The following STAB2 variants were observed in gnomAD, a reference collection of about 807,000 sequenced individuals.
STAB2 encodes the protein stabilin-2.
STAB2 carries 288 observed loss-of-function variants against 338.1 expected under a neutral mutation model. That is an observed-to-expected ratio of 0.85 (90% CI 0.77 to 0.94). STAB2 has a LOEUF of 0.94. Among genes scored for constraint, STAB2 ranks in the 40% least tolerant of loss-of-function variants. STAB2 has a pLI of 0.00. For missense variants in STAB2, 3,141 were observed against 3,210.1 expected (o/e 0.98, Z 0.52); for synonymous variants, 1,202 against 1,193.3 (o/e 1.01, Z -0.15).
At chr12:103,614,445 A>C (rs1957178236) in intron 3 of STAB2, among the ~76,000 whole-genome samples, 1 of 152,244 alleles carries the variant, frequency 6.6e-6, no homozygotes, top group African/African-American at 2.4e-5. Flanking sequence ...ACTGGAGGCT[A>C]TACCTTTTTA....
At chr12:103,670,450 C>T in intron 21 of STAB2, among the ~76,000 whole-genome samples, 1 of 152,158 alleles carries the variant, frequency 6.6e-6, no homozygotes, top group South Asian at 2.1e-4. Context: ...TGAAAGGTTC[C>T]CAGTTCAGCA....
chr12:103,755,456 A>G lies in STAB2; in HGVS notation c.6869A>G (p.Tyr2290Cys), dbSNP rs1884027267. Residue 2290 changes from tyrosine (Y) to cysteine (C), a missense_variant, in exon 62 of 69, where the codon TAT (tyrosine) becomes TGT (cysteine). Transcript: ENST00000388887. ...AGTGAAATGTGGGATGTCTTCTGCT[A>G]TCGGATGAAAGGTAACCGCCCCAGC... ...NKSEMWDVFC[Y>C]RMKDVNCTCK... is the part of the protein sequence containing the mutation. 4 of 1,613,864 alleles carry G rather than the reference A, an allele frequency of 2.5e-6. No homozygotes were observed. The highest frequency in any genetic ancestry group is 4.5e-5 in the East Asian group (2 of 44,872).
chr12:103,596,642 A>C (rs1956879336), intron 3 of STAB2, among the ~76,000 whole-genome samples: 1 of 152,222 alleles, frequency 6.6e-6, no homozygotes, highest in Non-Finnish European at 1.5e-5. Flanking sequence ...ATAATGAAAG[A>C]TGAATAAAAT....
intron 44 of STAB2, among the ~76,000 whole-genome samples, chr12:103,722,500 A>G (rs1388656056): frequency 6.6e-6 from 1 of 152,252 alleles, no homozygotes; most frequent in Non-Finnish European, 1.5e-5. Flanking sequence ...TAAGGAAAGT[A>G]GAAACATAGA....
At chr12:103,680,940 G>C (rs1332861131) in intron 25 of STAB2, among the ~76,000 whole-genome samples, 2 of 152,258 alleles carry the variant, frequency 1.3e-5, no homozygotes, top group Non-Finnish European at 2.9e-5. Context: ...TCAGTGGTGA[G>C]GATAAGAGAT....
At chr12:103,640,826 A>T (rs907476363) in intron 9 of STAB2, among the ~76,000 whole-genome samples, 2 of 152,162 alleles carry the variant, frequency 1.3e-5, no homozygotes, top group African/African-American at 4.8e-5. Context: ...GATACCTACC[A>T]GATGCATGAC....
intron 6 of STAB2, among the ~76,000 whole-genome samples, chr12:103,636,461 TA>T (rs969380141): frequency 6.6e-6 from 1 of 151,280 alleles, no homozygotes; most frequent in East Asian, 2.0e-4. Flanking sequence ...GCCCATTTTT[TA>T]AAAAAAATAG....
chr12:103,749,208 C>T (rs1883360174), intron 59 of STAB2, 52 bp downstream of exon 59: 12 of 1,525,228 alleles, frequency 7.9e-6, no homozygotes, highest in Non-Finnish European at 1.1e-5. Context: ...GGGCTTCGCT[C>T]CTCCTTGCCT....
At position 103,695,652 on chromosome 12, in the gene STAB2, A is replaced by G; in HGVS notation, c.3474+4A>G. 3 of 1,614,208 alleles carry G rather than the reference A, an allele frequency of 1.9e-6. No homozygotes were observed. The highest frequency in any genetic ancestry group is 2.5e-6 in the Non-Finnish European group (3 of 1,180,030). ...CATCTTCCGGGGCTACATCATTGCA[A>G]GTACCACATTCTCTGCCTGACCACC... On this transcript the variant is annotated splice_donor_region_variant and intron_variant, in intron 32 of 68. Transcript: ENST00000388887.
chr12:103,732,003 G>A (rs915372194), intron 50 of STAB2, among the ~76,000 whole-genome samples: 2 of 152,200 alleles, frequency 1.3e-5, no homozygotes, highest in African/African-American at 4.8e-5. Context: ...TGTGAGGCAG[G>A]TAGAAATTAA....
chr12:103,684,692 C>T (rs1026021676), intron 26 of STAB2, among the ~76,000 whole-genome samples: 2 of 152,200 alleles, frequency 1.3e-5, no homozygotes, highest in African/African-American at 4.8e-5. Context: ...ATTGCATGGG[C>T]AAACGTATAC....
rs1873514535 is a variant in STAB2 at position 103,648,714 on chromosome 12, G to T, written c.1065G>T (p.Val355=). The change falls in exon 10 of 69, where the codon GTG becomes GTT. Residue 355 remains valine, a synonymous_variant. Transcript: ENST00000388887. ...GATGCATTTGCCAGAAAGGTTACGT[G>T]GGTGATGGCTTAACGTGTTATGGAA... ...RTECICQKGY[V]GDGLTCYGNI... is the part of the protein sequence containing the mutation. 1 of 1,613,920 alleles carries T rather than the reference G, an allele frequency of 6.2e-7. No individual in the cohort carries two copies. Among genetic ancestry groups the T allele is most frequent in the Non-Finnish European group, 8.5e-7 (1 of 1,179,984 alleles).
rs1566070936 is a variant in STAB2, at chr12:103,746,695, A to G, written c.6235A>G (p.Thr2079Ala). The change falls in exon 58 of 69, where the codon ACA becomes GCA. Residue 2079 changes from threonine to alanine, a missense_variant. By Grantham distance (58) the Thr-to-Ala change is moderately conservative. Transcript: ENST00000388887. ...CCTGGATTATGAAGGTGACGGAATC[A>G]CATGCACAGGTAAGCCACCTTTGTG... ...CNLDYEGDGI[T>A]CTVVDFCKQD... 2 of 1,613,856 alleles carry G rather than the reference A, an allele frequency of 1.2e-6. No individual in the cohort carries two copies. The highest frequency in any genetic ancestry group is 3.3e-5 in the Admixed American group (2 of 60,022).
chr12:103,706,178 C>G (rs1363242505), intron 37 of STAB2, among the ~76,000 whole-genome samples: 7 of 152,174 alleles, frequency 4.6e-5, no homozygotes, highest in Non-Finnish European at 7.3e-5. Context: ...GCTCCTTTCC[C>G]AGATGACTAG....
In STAB2 at chr12:103,695,898, C is replaced by T. The variant is rs1017702658; in HGVS notation, c.3582+54C>T. ...GTTATTTTGTGAAAATTCAAACACT[C>T]AGTGTTTGTAATCCATTAGTTGTGT... On this transcript the variant is annotated intron_variant, in intron 33 of 68. Coordinates refer to ENST00000388887, the MANE Select transcript of STAB2 (RefSeq NM_017564.10). 3.8e-5 allele frequency: 57 copies of T among 1,508,758 alleles called. No homozygotes were observed. The African/African-American group carries it at 5.2e-4, about 14-fold the overall frequency. The allele number at this position is 1,508,758 out of a possible 1,614,324, so 93.5% of individuals were successfully genotyped here.
At chr12:103,760,488 T>C (rs982843534) in intron 65 of STAB2, among the ~76,000 whole-genome samples, 1 of 152,202 alleles carries the variant, frequency 6.6e-6, no homozygotes, top group South Asian at 2.1e-4. Context: ...CTTGAACTCC[T>C]GGCTTCAAGT....
intron 43 of STAB2, among the ~76,000 whole-genome samples, 180 bp downstream of exon 43, chr12:103,716,068 G>A (rs201113152): frequency 6.6e-6 from 1 of 152,010 alleles, no homozygotes; most frequent in African/African-American, 2.4e-5. Context: ...AGGTGAAATG[G>A]GGGAAAACCA....
chr12:103,695,643 A>C lies in STAB2; in HGVS notation c.3469A>C (p.Ile1157Leu). Residue 1157 changes from isoleucine to leucine, a missense_variant, in exon 32 of 69, where the codon ATC (isoleucine) becomes CTC (leucine). Ile to Leu is a conservative substitution (Grantham distance 5). Transcript: ENST00000388887. ...TGACTATTCCATCTTCCGGGGCTAC[A>C]TCATTGCAAGTACCACATTCTCTGC... The part of the protein sequence containing the change: ...MPDYSIFRGY[I>L]IQYNLANAIE... The C allele has an allele frequency of 1.2e-6, 2 of 1,614,184 alleles. No homozygotes were observed. The highest frequency in any genetic ancestry group is 1.7e-6 in the Non-Finnish European group (2 of 1,180,018).
At chr12:103,685,460 G>GTGTGCA (rs944151354) in intron 27 of STAB2, among the ~76,000 whole-genome samples, 1 of 135,912 alleles carries the variant, frequency 7.4e-6, no homozygotes, top group African/African-American at 2.6e-5. Flanking sequence ...GTGTGCGCGT[G>GTGTGCA]CGTGTGTGTG....
Sources: allele counts gnomAD v4.1 joint callset (sites outside exome capture counted in the v4.1 genomes callset), GRCh38; gene constraint gnomAD v4.1.1; transcripts MANE v1.5; gene names NCBI Gene and HGNC (gene_info 2026-07-23, HGNC 2026-07-21).